BICD1: variants seen among roughly 807,000 people sequenced by gnomAD.
BICD1 encodes BICD cargo adaptor 1, also known as protein bicaudal D homolog 1.
In BICD1, 35 loss-of-function variants were observed where a neutral mutation model predicts 92.5. The ratio of observed to expected loss-of-function variants is 0.38; its 90% CI spans 0.29 to 0.50. The LOEUF is 0.50. Ranked by LOEUF, BICD1 falls within the 20% of genes least tolerant of loss-of-function variation. The pLI is 0.93. For synonymous variants in BICD1, 429 were observed against 465.1 expected (o/e 0.92, Z 1.00); for missense variants, 950 against 1,189.8 (o/e 0.80, Z 2.97).
intron 4 of BICD1, among the ~76,000 whole-genome samples, chr12:32,310,099 T>C (rs1011065068): frequency 9.9e-5 from 15 of 152,224 alleles, no homozygotes; most frequent in Non-Finnish European, 2.1e-4. Context: ...CCAGGTGATA[T>C]GCAGCAGTTC....
rs778850950 is a variant in BICD1 at position 32,166,105 on chromosome 12, CATTTATTTATTT to C, written c.214-50109_214-50098del. Among the ~76,000 whole-genome samples the C allele has an allele frequency of 2.6e-4, 32 of 121,948 alleles. 1 individual carries two copies. The South Asian group carries it at 7.3e-3, about 28-fold the overall frequency. 80.0% of individuals were successfully genotyped at this position (121,948 alleles called of 152,430 possible). On this transcript the variant is annotated intron_variant, in intron 1 of 9. Transcript: ENST00000652176. ...TGGGACATTTGGCAATGTCTGGAGA[CATTTATTTATTT>C]ATTTATTTATTTATTTATTTATTTA...
chr12:32,262,059 T>C (rs1164623041), intron 2 of BICD1, among the ~76,000 whole-genome samples: 1 of 152,214 alleles, frequency 6.6e-6, no homozygotes, highest in Non-Finnish European at 1.5e-5. Flanking sequence ...TTTTAAGTCG[T>C]GGGTTTATAT....
At chr12:32,171,417 G>T (rs1171633658) in intron 1 of BICD1, among the ~76,000 whole-genome samples, 6 of 152,222 alleles carry the variant, frequency 3.9e-5, no homozygotes, top group Non-Finnish European at 5.9e-5. Flanking sequence ...ATCCTGGGGA[G>T]CGTGGCACTA....
chr12:32,281,890 C>T (rs1406748778), intron 2 of BICD1, among the ~76,000 whole-genome samples: 3 of 151,992 alleles, frequency 2.0e-5, no homozygotes, highest in Non-Finnish European at 2.9e-5. Context: ...TCTTCTGGAT[C>T]CTGGGGATAT....
chr12:32,288,634 C>T (rs567959009), intron 2 of BICD1, among the ~76,000 whole-genome samples: 5 of 151,976 alleles, frequency 3.3e-5, no homozygotes, highest in South Asian at 2.1e-4. Context: ...GGGAGGCCAA[C>T]GCAGGTGGAT....
intron 2 of BICD1, among the ~76,000 whole-genome samples, chr12:32,239,090 C>CA (rs1280106602): frequency 7.1e-6 from 1 of 141,670 alleles, no homozygotes; most frequent in Admixed American, 7.2e-5. Context: ...ACTAAAAATA[C>CA]AAAAAAATTA....
At chr12:32,260,796 T>C (rs1428836572) in intron 2 of BICD1, among the ~76,000 whole-genome samples, 1 of 152,226 alleles carries the variant, frequency 6.6e-6, no homozygotes, top group Non-Finnish European at 1.5e-5. Context: ...TGGATTCCTG[T>C]CTAAGCCCTT....
intron 1 of BICD1, among the ~76,000 whole-genome samples, chr12:32,149,988 A>G (rs952648556): frequency 6.6e-6 from 1 of 152,212 alleles, no homozygotes; most frequent in African/African-American, 2.4e-5. Context: ...GAGGCCTCAC[A>G]GTCATGGCAG....
chr12:32,297,315 G>C (rs1017626805), intron 3 of BICD1, among the ~76,000 whole-genome samples: 2 of 152,060 alleles, frequency 1.3e-5, no homozygotes, highest in Non-Finnish European at 2.9e-5. Context: ...TTGTGACTCG[G>C]CCTCCTGAGT....
intron 8 of BICD1, among the ~76,000 whole-genome samples, chr12:32,348,735 T>A (rs1476642968): frequency 0.012 from 60 of 5,052 alleles, no homozygotes; most frequent in South Asian, 0.045. Context: ...TATATATATA[T>A]ATATATATAT....
rs1313173588 is a variant in BICD1, at chr12:32,305,844, G to C, written c.727G>C (p.Glu243Gln). Residue 243 changes from glutamate (E) to glutamine (Q), a missense_variant, in exon 4 of 10, where the codon GAG becomes CAG. This residue lies in a region of BICD1 where 246 missense variants were observed against 258.4 expected (regional missense o/e 0.95). Transcript: ENST00000652176. ...CCTCGAGACTTTAAAAAATGAAAGA[G>C]AGCAAAAGAACAACCTGCGGAAGGA... is the stretch of plus-strand genomic sequence containing the variant. ...EALETLKNER[E>Q]QKNNLRKELS... The C allele has an allele frequency of 3.7e-6, 6 of 1,614,058 alleles. No individual in the cohort carries two copies. Among genetic ancestry groups the C allele is most frequent in the Non-Finnish European group, 5.1e-6 (6 of 1,180,036 alleles).
intron 2 of BICD1, 29 bp from the exon 3 acceptor site, chr12:32,293,965 T>C (rs1565647723): frequency 3.1e-6 from 5 of 1,600,602 alleles, no homozygotes; most frequent in African/African-American, 1.3e-5. Flanking sequence ...AAGAGAGTTA[T>C]ATATTGACTG....
intron 3 of BICD1, among the ~76,000 whole-genome samples, chr12:32,298,870 C>CAAAAA (rs59280755): frequency 0.19 from 10,404 of 55,478 alleles, 691 homozygotes; most frequent in African/African-American, 0.29. Flanking sequence ...AACTCCATCT[C>CAAAAA]AAAAAAAAAA....
intron 1 of BICD1, among the ~76,000 whole-genome samples, chr12:32,169,293 C>A (rs995048438): frequency 6.6e-6 from 1 of 152,098 alleles, no homozygotes; most frequent in African/African-American, 2.4e-5. Flanking sequence ...ACTGTTGAAT[C>A]TTTTCTAGGT....
At chr12:32,353,641 CAT>C (rs1313209942) in intron 8 of BICD1, 3 of 151,858 alleles carry the variant, frequency 2.0e-5, no homozygotes, top group Admixed American at 2.0e-4. Flanking sequence ...AGTGGTGTCT[CAT>C]ATGTTTTTCT....
In BICD1 at chr12:32,380,818, C is replaced by T. The variant is rs1940150880; in HGVS notation, c.*3191C>T. Reference sequence around the variant, plus strand: ...AACGAAGAGGAGGTACAATAGTAGTCTTCAAGAAAAGAATATTTAACAAAT... The same window carrying T: ...AACGAAGAGGAGGTACAATAGTAGTTTTCAAGAAAAGAATATTTAACAAAT... On this transcript the variant is annotated 3_prime_UTR_variant, in exon 10 of 10. Coordinates refer to ENST00000652176, the MANE Select transcript of BICD1 (RefSeq NM_001714.4). The T allele has an allele frequency of 6.6e-6, 1 of 151,526 alleles. No individual in the cohort carries two copies. Among genetic ancestry groups the T allele is most frequent in the Non-Finnish European group, 1.5e-5 (1 of 67,888 alleles). The allele number at this position is 151,526 out of a possible 1,614,324, so 9.4% of individuals were successfully genotyped here.
At chr12:32,358,429 C>G (rs1250692507) in intron 8 of BICD1, among the ~76,000 whole-genome samples, 4 of 148,580 alleles carry the variant, frequency 2.7e-5, no homozygotes, top group Non-Finnish European at 5.9e-5. Context: ...CACTAAAAAG[C>G]TTTTGTTCAT....
intron 8 of BICD1, among the ~76,000 whole-genome samples, chr12:32,341,305 G>A (rs531917546): frequency 4.6e-5 from 7 of 151,770 alleles, no homozygotes; most frequent in South Asian, 2.1e-4. Flanking sequence ...GTGAAAACCC[G>A]TCTCTACAAA....
intron 1 of BICD1, among the ~76,000 whole-genome samples, chr12:32,196,014 T>C (rs78351601): frequency 0.035 from 5,385 of 152,168 alleles, 319 homozygotes; most frequent in African/African-American, 0.12. Context: ...AAAGAAGACA[T>C]ACAAATGGCT....
Sources: allele counts gnomAD v4.1 joint callset (sites outside exome capture counted in the v4.1 genomes callset), GRCh38; gene constraint gnomAD v4.1.1; regional missense constraint gnomAD v4.1.1; transcripts MANE v1.5; gene names NCBI Gene and HGNC (gene_info 2026-07-23, HGNC 2026-07-21).